Variants in KCNAB1 observed in about 807,000 individuals in gnomAD.
KCNAB1 encodes potassium voltage-gated channel subfamily A regulatory beta subunit 1, also known as voltage-gated potassium channel subunit beta-1.
Under a neutral mutation model 64.6 loss-of-function variants are expected in KCNAB1, and 35 were observed. The observed-to-expected ratio is 0.54, with a 90% CI of 0.41 to 0.72. KCNAB1 has a LOEUF of 0.72. Among genes scored for constraint, KCNAB1 ranks in the 30% least tolerant of loss-of-function variants. The pLI is 0.00. For synonymous variants in KCNAB1, 177 were observed against 183.8 expected, an observed-to-expected ratio of 0.96 and a Z score of 0.30; for missense variants, 401 against 512.9, an observed-to-expected ratio of 0.78 and a Z score of 2.11.
chr3:156,319,148 C>T (rs1176679167), intron 1 of KCNAB1, among the ~76,000 whole-genome samples: 1 of 152,122 alleles, frequency 6.6e-6, no homozygotes, highest in East Asian at 1.9e-4. Context: ...TAGAAAGATA[C>T]AGGAGGAACC....
At chr3:156,299,022 C>T (rs931761285) in intron 1 of KCNAB1, among the ~76,000 whole-genome samples, 13 of 152,188 alleles carry the variant, frequency 8.5e-5, no homozygotes, top group Non-Finnish European at 7.3e-5. Context: ...GAACTCAAGA[C>T]GCCATCTAGT....
chr3:156,430,371 C>G (rs1205888252), intron 2 of KCNAB1, among the ~76,000 whole-genome samples: 1 of 152,184 alleles, frequency 6.6e-6, no homozygotes, highest in East Asian at 1.9e-4. Context: ...TCATCTCTCT[C>G]CATGCAGCCA....
intron 8 of KCNAB1, among the ~76,000 whole-genome samples, chr3:156,495,007 T>C (rs147707519): frequency 2.0e-4 from 31 of 152,264 alleles, no homozygotes; most frequent in Middle Eastern, 6.8e-3. Context: ...CTATTCTTCC[T>C]GATACTCTCC....
intron 1 of KCNAB1, among the ~76,000 whole-genome samples, chr3:156,297,933 G>T (rs1384589179): frequency 4.6e-5 from 7 of 152,080 alleles, no homozygotes; most frequent in African/African-American, 1.7e-4. Flanking sequence ...AGAGCAGTTT[G>T]GTTATTTGAA....
At chr3:156,192,636 A>G (rs1713630021) in intron 1 of KCNAB1, among the ~76,000 whole-genome samples, 1 of 152,140 alleles carries the variant, frequency 6.6e-6, no homozygotes, top group African/African-American at 2.4e-5. Context: ...CAATTCTATC[A>G]GTTTTTGTTT....
chr3:156,130,910 T>G (rs1034598964), intron 1 of KCNAB1, among the ~76,000 whole-genome samples: 4 of 152,380 alleles, frequency 2.6e-5, no homozygotes, highest in Non-Finnish European at 5.9e-5. Context: ...ATTTTTATGT[T>G]TCCTCAGGCT....
intron 3 of KCNAB1, among the ~76,000 whole-genome samples, chr3:156,455,222 T>C (rs1227779325): frequency 6.6e-6 from 1 of 152,240 alleles, no homozygotes; most frequent in Non-Finnish European, 1.5e-5. Flanking sequence ...GCTTTCTCTC[T>C]GGCGTCAAAT....
chr3:156,276,680 A>G (rs1719366574), intron 1 of KCNAB1, among the ~76,000 whole-genome samples: 1 of 152,192 alleles, frequency 6.6e-6, no homozygotes. Context: ...AAACTCATGC[A>G]TCAACCTCTG....
intron 1 of KCNAB1, among the ~76,000 whole-genome samples, chr3:156,149,358 C>T (rs1356084657): frequency 2.0e-5 from 3 of 151,938 alleles, no homozygotes; most frequent in Non-Finnish European, 2.9e-5. Flanking sequence ...TACATTACTA[C>T]GGACTATCAT....
chr3:156,395,544 C>CAAAAAAAAAAA lies in KCNAB1; in HGVS notation c.276-26041_276-26031dup, dbSNP rs61017269. On this transcript the variant is annotated intron_variant, in intron 1 of 13. Coordinates refer to ENST00000490337, the MANE Select transcript of KCNAB1 (RefSeq NM_172160.3). ...TGGGCGACAGAGCGAGACTCCGTCT[C>CAAAAAAAAAAA]AAAAAAAAAAAAAAAAAAAAAAAAA... Among the ~76,000 whole-genome samples the CAAAAAAAAAAA allele has an allele frequency of 3.9e-3, 99 of 25,450 alleles. 26 individuals are homozygous for CAAAAAAAAAAA. Among genetic ancestry groups the CAAAAAAAAAAA allele is most frequent in the Non-Finnish European group, 7.5e-3 (67 of 8,978 alleles). 16.7% of individuals were successfully genotyped at this position (25,450 alleles called of 152,430 possible). A position where few individuals can be genotyped will look rare whatever the true frequency, so the allele number is the denominator to read the frequency against.
intron 1 of KCNAB1, among the ~76,000 whole-genome samples, chr3:156,180,243 G>A (rs543963326): frequency 1.3e-5 from 2 of 152,220 alleles, no homozygotes; most frequent in Non-Finnish European, 2.9e-5. Context: ...TAAGGAAGCA[G>A]ACTTGGAGAG....
chr3:156,248,747 A>G (rs1240976497), intron 1 of KCNAB1, among the ~76,000 whole-genome samples: 2 of 152,356 alleles, frequency 1.3e-5, no homozygotes, highest in South Asian at 2.1e-4. Context: ...GTTCAGAAAC[A>G]TGGTAGACAA....
At chr3:156,199,152 CT>C (rs970468273) in intron 1 of KCNAB1, among the ~76,000 whole-genome samples, 1 of 152,056 alleles carries the variant, frequency 6.6e-6, no homozygotes, top group East Asian at 1.9e-4. Flanking sequence ...GGACCCCACT[CT>C]CTTCTGAGTT....
rs1716652336 is a variant in KCNAB1, at chr3:156,233,434, A to G, written c.275+112548A>G. On this transcript the variant is annotated intron_variant, in intron 1 of 13. Transcript: ENST00000490337. ...AACAGGAGTGTGTCCAATGAACTGA[A>G]GGACCAGCAATGAGGTGGGTGAGGC... is the stretch of plus-strand genomic sequence containing the variant. 7.2e-5 allele frequency among the ~76,000 whole-genome samples: 11 copies of G among 152,316 alleles called. 1 individual carries two copies. In the South Asian group the frequency reaches 2.3e-3, roughly 32 times the overall value.
chr3:156,120,405 G>A (rs2108248592), upstream of KCNAB1: 1 of 631,660 alleles, frequency 1.6e-6, no homozygotes, highest in Admixed American at 2.7e-5. Flanking sequence ...GATACCACAG[G>A]TATTGGCCAG....
intron 1 of KCNAB1, among the ~76,000 whole-genome samples, chr3:156,253,234 T>C (rs1257203502): frequency 6.6e-6 from 1 of 152,256 alleles, no homozygotes; most frequent in Admixed American, 6.5e-5. Flanking sequence ...GCAGTTGTTT[T>C]GTTTTCTTTG....
intron 3 of KCNAB1, among the ~76,000 whole-genome samples, chr3:156,456,451 A>G (rs1712437083): frequency 6.6e-6 from 1 of 152,246 alleles, no homozygotes; most frequent in South Asian, 2.1e-4. Context: ...TAAAAATTGT[A>G]GGAATATAAG....
intron 1 of KCNAB1, among the ~76,000 whole-genome samples, chr3:156,396,214 T>C (rs1463527459): frequency 6.6e-6 from 1 of 152,172 alleles, no homozygotes; most frequent in Non-Finnish European, 1.5e-5. Flanking sequence ...CCCAGATGAT[T>C]TTTTTATGCA....
At chr3:156,472,831 C>T (rs1311865771) in intron 7 of KCNAB1, among the ~76,000 whole-genome samples, 1 of 152,046 alleles carries the variant, frequency 6.6e-6, no homozygotes, top group Non-Finnish European at 1.5e-5. Context: ...GAGCCTGGCA[C>T]GGTCTCAGGA....
Sources: gnomAD v4.1 joint callset for allele counts (sites outside exome capture counted in the v4.1 genomes callset) on GRCh38, gnomAD v4.1.1 for gene constraint, MANE v1.5 for transcripts, NCBI Gene and HGNC (gene_info 2026-07-23, HGNC 2026-07-21) for gene names.